The following CNTN4 variants were observed in gnomAD, a reference collection of about 807,000 sequenced individuals.
The protein encoded by CNTN4 is contactin 4, also known as contactin-4.
Under a neutral mutation model 122.5 loss-of-function variants are expected in CNTN4, and 77 were observed. The ratio of observed to expected loss-of-function variants is 0.63; its 90% CI spans 0.52 to 0.76. The LOEUF is 0.76. Ranked by LOEUF, CNTN4 falls within the 30% of genes least tolerant of loss-of-function variation. The pLI is 0.00. For synonymous variants in CNTN4, 512 were observed against 447.0 expected (o/e 1.15, Z -1.83); for missense variants, 1,256 against 1,259.1 (o/e 1.00, Z 0.04).
chr3:2,736,573 C>T (rs1184770850), intron 5 of CNTN4, among the ~76,000 whole-genome samples: 5 of 151,518 alleles, frequency 3.3e-5, no homozygotes, highest in Non-Finnish European at 7.4e-5. Flanking sequence ...AAGCGATTCT[C>T]CTGCCTCAGC....
intron 14 of CNTN4, among the ~76,000 whole-genome samples, chr3:3,001,247 C>T (rs971646787): frequency 1.2e-4 from 18 of 152,288 alleles, no homozygotes; most frequent in African/African-American, 3.8e-4. Context: ...TACACAACCT[C>T]AAGTCTCTCT....
chr3:2,160,717 G>A (rs753147193), intron 2 of CNTN4, among the ~76,000 whole-genome samples: 1 of 152,082 alleles, frequency 6.6e-6, no homozygotes, highest in Non-Finnish European at 1.5e-5. Context: ...CCTCAGCAAG[G>A]GCTTGGCATC....
intron 12 of CNTN4, among the ~76,000 whole-genome samples, chr3:2,907,320 C>G (rs1255280263): frequency 6.6e-6 from 1 of 152,232 alleles, no homozygotes; most frequent in East Asian, 1.9e-4. Context: ...CGCCTGTAAT[C>G]CCAGCACTTT....
At chr3:2,821,567 G>A (rs1024601519) in intron 7 of CNTN4, among the ~76,000 whole-genome samples, 3 of 152,152 alleles carry the variant, frequency 2.0e-5, no homozygotes, top group African/African-American at 7.2e-5. Flanking sequence ...AATATTTTAC[G>A]CAGATGTGTT....
At chr3:2,280,067 G>C (rs2041661441) in intron 2 of CNTN4, among the ~76,000 whole-genome samples, 1 of 151,790 alleles carries the variant, frequency 6.6e-6, no homozygotes, top group South Asian at 2.1e-4. Flanking sequence ...TTTTGATCAG[G>C]TTTTCTTGAA....
intron 14 of CNTN4, among the ~76,000 whole-genome samples, chr3:3,015,801 G>T (rs1240881533): frequency 2.6e-5 from 4 of 152,178 alleles, no homozygotes; most frequent in Non-Finnish European, 5.9e-5. Context: ...TTGCCTCAAG[G>T]TGTACATTTC....
chr3:2,597,579 G>T (rs745407906), intron 4 of CNTN4, among the ~76,000 whole-genome samples: 4 of 152,130 alleles, frequency 2.6e-5, no homozygotes, highest in Non-Finnish European at 4.4e-5. Flanking sequence ...CCCCAGGAAA[G>T]GTGCAGAATT....
intron 2 of CNTN4, among the ~76,000 whole-genome samples, chr3:2,268,215 G>C (rs1016841124): frequency 6.6e-6 from 1 of 152,136 alleles, no homozygotes; most frequent in Non-Finnish European, 1.5e-5. Flanking sequence ...CATTAGTCAG[G>C]CCTCTTATGG....
intron 3 of CNTN4, among the ~76,000 whole-genome samples, chr3:2,449,005 A>T (rs748436137): frequency 2.0e-5 from 3 of 152,092 alleles, no homozygotes; most frequent in African/African-American, 4.8e-5. Context: ...TTATTATTAC[A>T]CTAATTTCCA....
At position 2,975,764 on chromosome 3, in the gene CNTN4, T is replaced by G. The variant is rs532481707; in HGVS notation, c.1359-12581T>G. Reference sequence around the variant, plus strand: ...GAGTGCTTTATATATTTTAATGTTTTTTTCTCATTATAAAAGTTATATTAC... The same window carrying G: ...GAGTGCTTTATATATTTTAATGTTTGTTTCTCATTATAAAAGTTATATTAC... On this transcript the variant is annotated intron_variant, in intron 13 of 24. Coordinates refer to ENST00000418658, the MANE Select transcript of CNTN4 (RefSeq NM_175607.3). 2.0e-5 allele frequency among the ~76,000 whole-genome samples: 3 copies of G among 152,326 alleles called. No homozygotes were observed. In the South Asian group the frequency reaches 6.2e-4, roughly 32 times the overall value.
chr3:2,822,918 T>G (rs1188012317), intron 7 of CNTN4, among the ~76,000 whole-genome samples: 1 of 152,134 alleles, frequency 6.6e-6, no homozygotes, highest in Non-Finnish European at 1.5e-5. Flanking sequence ...TATTATAAGC[T>G]CTATTAGAAA....
intron 2 of CNTN4, among the ~76,000 whole-genome samples, chr3:2,270,885 A>C (rs1389215005): frequency 6.6e-6 from 1 of 152,098 alleles, no homozygotes; most frequent in Non-Finnish European, 1.5e-5. Flanking sequence ...ATCATTACCT[A>C]TGTGAAGTGT....
chr3:2,340,224 G>C (rs1338440671), intron 3 of CNTN4, among the ~76,000 whole-genome samples: 1 of 152,152 alleles, frequency 6.6e-6, no homozygotes, highest in Non-Finnish European at 1.5e-5. Flanking sequence ...TAAAAAGAGA[G>C]TCTAGTGAAA....
chr3:2,300,644 T>G (rs948512124), intron 2 of CNTN4, among the ~76,000 whole-genome samples: 4 of 139,104 alleles, frequency 2.9e-5, no homozygotes, highest in African/African-American at 1.1e-4. Context: ...CAGTCTCGGC[T>G]CACTGCAACC....
intron 2 of CNTN4, among the ~76,000 whole-genome samples, chr3:2,317,285 G>C (rs2043138429): frequency 6.6e-6 from 1 of 152,134 alleles, no homozygotes; most frequent in East Asian, 1.9e-4. Flanking sequence ...TGATGGAGTT[G>C]GGGTTTCATT....
intron 5 of CNTN4, among the ~76,000 whole-genome samples, chr3:2,737,387 G>C (rs1020478500): frequency 5.9e-5 from 9 of 152,120 alleles, no homozygotes; most frequent in Non-Finnish European, 1.2e-4. Flanking sequence ...AGCCCGTAAA[G>C]AGCTTTTAGA....
intron 4 of CNTN4, among the ~76,000 whole-genome samples, chr3:2,602,887 C>G (rs1479503003): frequency 1.3e-5 from 2 of 152,094 alleles, no homozygotes; most frequent in Non-Finnish European, 2.9e-5. Context: ...AAAAGCAAGG[C>G]TTAAGTAAGG....
chr3:2,585,155 C>A (rs957106246), intron 4 of CNTN4, among the ~76,000 whole-genome samples: 4 of 152,104 alleles, frequency 2.6e-5, no homozygotes, highest in African/African-American at 9.7e-5. Context: ...TTTTTCACTA[C>A]TGATGATGGT....
chr3:2,478,658 C>T (rs955022590), intron 3 of CNTN4, among the ~76,000 whole-genome samples: 2 of 152,090 alleles, frequency 1.3e-5, no homozygotes, highest in African/African-American at 4.8e-5. Flanking sequence ...CATTTAGCTC[C>T]CACTTATAAG....
Sources: allele counts gnomAD v4.1 joint callset (sites outside exome capture counted in the v4.1 genomes callset), GRCh38; gene constraint gnomAD v4.1.1; transcripts MANE v1.5; gene names NCBI Gene and HGNC (gene_info 2026-07-23, HGNC 2026-07-21).